The following SRGAP3 variants were observed in gnomAD, a reference collection of about 807,000 sequenced individuals.
The protein encoded by SRGAP3 is SLIT-ROBO Rho GTPase activating protein 3.
SRGAP3 carries 39 observed loss-of-function variants against 121.1 expected under a neutral mutation model. The observed-to-expected ratio is 0.32, with a 90% CI of 0.25 to 0.42. The LOEUF is 0.42. Ranked by LOEUF, SRGAP3 falls within the 10% of genes least tolerant of loss-of-function variation. The probability of loss-of-function intolerance (pLI) is 1.00; values close to 1 mark genes in which losing one functional copy is unlikely to be tolerated. For missense variants in SRGAP3, 1,213 were observed against 1,470.6 expected, an observed-to-expected ratio of 0.82 and a Z score of 2.86; for synonymous variants, 601 against 570.0, an observed-to-expected ratio of 1.05 and a Z score of -0.77.
chr3:9,203,952 C>T (rs1194057799), intron 1 of SRGAP3, among the ~76,000 whole-genome samples: 1 of 152,176 alleles, frequency 6.6e-6, no homozygotes, highest in Non-Finnish European at 1.5e-5. Flanking sequence ...CTCTGGCCTG[C>T]TAAGGCAGCA....
chr3:8,986,691 T>G (rs775314051), intron 21 of SRGAP3, among the ~76,000 whole-genome samples: 1 of 152,186 alleles, frequency 6.6e-6, no homozygotes, highest in Non-Finnish European at 1.5e-5. Flanking sequence ...CATCCCAGAA[T>G]AGAGGGACTG....
At chr3:9,098,325 G>A (rs138210108) in intron 3 of SRGAP3, among the ~76,000 whole-genome samples, 24 of 152,286 alleles carry the variant, frequency 1.6e-4, no homozygotes, top group Non-Finnish European at 3.4e-4. Flanking sequence ...GTCACCCAGT[G>A]CAATGCAGTG....
chr3:9,098,808 T>A (rs902949072), intron 3 of SRGAP3, among the ~76,000 whole-genome samples: 4 of 152,236 alleles, frequency 2.6e-5, no homozygotes, highest in Non-Finnish European at 5.9e-5. Context: ...CCTACTGTCA[T>A]GCTAGTGCTA....
intron 18 of SRGAP3, among the ~76,000 whole-genome samples, chr3:8,998,726 C>T (rs1309576394): frequency 2.0e-5 from 3 of 152,146 alleles, no homozygotes; most frequent in Non-Finnish European, 4.4e-5. Flanking sequence ...GACCCTAGGA[C>T]AAACAGGCAC....
intron 4 of SRGAP3, among the ~76,000 whole-genome samples, chr3:9,077,282 A>G (rs756615202): frequency 9.2e-5 from 14 of 152,024 alleles, no homozygotes; most frequent in Non-Finnish European, 1.9e-4. Context: ...AAGGATGTAC[A>G]AGACTCTGAC....
At chr3:9,074,369 C>G (rs1946859870) in intron 4 of SRGAP3, among the ~76,000 whole-genome samples, 1 of 152,218 alleles carries the variant, frequency 6.6e-6, no homozygotes. Context: ...GCAGCAGCCC[C>G]ATGTTCCAGG....
At chr3:9,096,956 TATATATATATATATATATATATATAC>T (rs1269471426) in intron 3 of SRGAP3, among the ~76,000 whole-genome samples, 1,550 of 101,092 alleles carry the variant, frequency 0.015, 54 homozygotes, top group African/African-American at 0.07. Context: ...TATATATATA[TATATATATATATATATATATATATAC>T]ACATACACAC....
At chr3:9,346,804 G>A (rs1032727787) in intron 1 of SRGAP3, among the ~76,000 whole-genome samples, 7 of 145,300 alleles carry the variant, frequency 4.8e-5, no homozygotes, top group African/African-American at 1.3e-4. Flanking sequence ...CCCTGAGGCT[G>A]AAGTGCAATG....
At chr3:9,225,040 C>G (rs1251631960) in intron 1 of SRGAP3, among the ~76,000 whole-genome samples, 1 of 152,164 alleles carries the variant, frequency 6.6e-6, no homozygotes, top group Non-Finnish European at 1.5e-5. Flanking sequence ...CTTGAAGATT[C>G]CTGCTTCTGG....
At chr3:9,019,550 C>T (rs1943808383) in intron 14 of SRGAP3, among the ~76,000 whole-genome samples, 1 of 152,254 alleles carries the variant, frequency 6.6e-6, no homozygotes, top group Non-Finnish European at 1.5e-5. Context: ...ACACAATGGG[C>T]TGCTCCTCCT....
At chr3:9,256,828 T>C (rs1954142191) in intron 3 of SRGAP3, 1 of 398,442 alleles carries the variant, frequency 2.5e-6, no homozygotes. Flanking sequence ...TCTAAGTCGG[T>C]GATGGAGAGT....
intron 11 of SRGAP3, 131 bp from the exon 12 acceptor site, chr3:9,032,883 G>C (rs1004180469): frequency 3.1e-5 from 25 of 804,210 alleles, no homozygotes; most frequent in Non-Finnish European, 4.6e-5. Context: ...CCCCCGCCAA[G>C]ACATTGGTTT....
chr3:9,276,078 G>T (rs559982704), intron 3 of SRGAP3, among the ~76,000 whole-genome samples: 3 of 152,064 alleles, frequency 2.0e-5, no homozygotes, highest in Non-Finnish European at 4.4e-5. Context: ...TCTCCACTGG[G>T]TTATAAACAT....
At chr3:9,186,401 A>G (rs915428216) in intron 1 of SRGAP3, among the ~76,000 whole-genome samples, 5 of 152,126 alleles carry the variant, frequency 3.3e-5, no homozygotes, top group Non-Finnish European at 7.4e-5. Context: ...TCGGCTCCTT[A>G]AGAATAGGGG....
intron 3 of SRGAP3, among the ~76,000 whole-genome samples, chr3:9,087,192 C>T (rs566586674): frequency 2.0e-5 from 3 of 152,094 alleles, no homozygotes; most frequent in African/African-American, 7.2e-5. Flanking sequence ...GACTTAGTTT[C>T]CTTATCTGTA....
At chr3:9,127,428 C>T (rs1465130734) in intron 1 of SRGAP3, among the ~76,000 whole-genome samples, 1 of 152,170 alleles carries the variant, frequency 6.6e-6, no homozygotes. Context: ...ATAACAAGAC[C>T]TCATGCCTAG....
chr3:9,272,950 T>A (rs1312204291), intron 3 of SRGAP3, among the ~76,000 whole-genome samples: 2 of 152,152 alleles, frequency 1.3e-5, no homozygotes, highest in Admixed American at 6.5e-5. Flanking sequence ...TATTTGTTTG[T>A]TTTGGATAGT....
chr3:9,228,432 C>T (rs946317550), intron 1 of SRGAP3, among the ~76,000 whole-genome samples: 1 of 152,186 alleles, frequency 6.6e-6, no homozygotes, highest in African/African-American at 2.4e-5. Context: ...CACTTCCTGC[C>T]TAGTGCTCAG....
chr3:9,067,405 T>G (rs568870019), intron 4 of SRGAP3, among the ~76,000 whole-genome samples: 1 of 152,272 alleles, frequency 6.6e-6, no homozygotes, highest in South Asian at 2.1e-4. Context: ...CGTCCATTTT[T>G]GCTCATTTGC....
Sources: gnomAD v4.1 joint callset for allele counts (sites outside exome capture counted in the v4.1 genomes callset) on GRCh38, gnomAD v4.1.1 for gene constraint, MANE v1.5 for transcripts, NCBI Gene and HGNC (gene_info 2026-07-23, HGNC 2026-07-21) for gene names.